Variants in TTC34 observed in about 807,000 individuals in gnomAD.
TTC34 encodes the protein tetratricopeptide repeat protein 34.
Under a neutral mutation model 40.7 loss-of-function variants are expected in TTC34, and 44 were observed. The ratio of observed to expected loss-of-function variants is 1.08; its 90% CI spans 0.85 to 1.39. The LOEUF (loss-of-function observed/expected upper bound fraction) is 1.39, where lower values mean the gene tolerates loss of function less well. Among genes scored for constraint, TTC34 ranks in the 40% most tolerant of loss-of-function variants. The pLI, the probability that TTC34 is intolerant of heterozygous loss-of-function variation, is 0.00. For synonymous variants in TTC34, 422 were observed against 398.6 expected (o/e 1.06, Z -0.70); for missense variants, 884 against 838.0 (o/e 1.05, Z -0.68).
intron 6 of TTC34, among the ~76,000 whole-genome samples, chr1:2,698,962 A>C: frequency 7.7e-6 from 1 of 129,080 alleles, no homozygotes. Context: ...CTGGAACATC[A>C]CCCTGCCCCC....
chr1:2,754,291 C>T (rs1344936458), intron 6 of TTC34, among the ~76,000 whole-genome samples: 1 of 50,394 alleles, frequency 2.0e-5, no homozygotes, highest in Non-Finnish European at 3.3e-5. Flanking sequence ...TGGAACAGCA[C>T]GCACACCCCC....
At chr1:2,777,530 G>T (rs1199399128) in intron 6 of TTC34, among the ~76,000 whole-genome samples, 1 of 152,196 alleles carries the variant, frequency 6.6e-6, no homozygotes, top group Non-Finnish European at 1.5e-5. Flanking sequence ...CCTGGAAGAA[G>T]CACCCCTGCA....
chr1:2,799,050 CCAGCCTCT>C (rs1404035749), intron 2 of TTC34, among the ~76,000 whole-genome samples: 2 of 150,492 alleles, frequency 1.3e-5, no homozygotes, highest in East Asian at 2.0e-4. Flanking sequence ...TCCCAGCCTC[CCAGCCTCT>C]CAGCCTCCAA....
chr1:2,683,787 C>T (rs1474935089), intron 6 of TTC34, among the ~76,000 whole-genome samples: 4 of 148,546 alleles, frequency 2.7e-5, no homozygotes, highest in African/African-American at 7.6e-5. Context: ...TGGAGCAGCA[C>T]GCACACCCCC....
chr1:2,782,706 T>TGTG (rs1643504646), intron 6 of TTC34, among the ~76,000 whole-genome samples: 1 of 152,232 alleles, frequency 6.6e-6, no homozygotes, highest in Admixed American at 6.5e-5. Context: ...TCTCTAAGCA[T>TGTG]TGTCTAACTT....
intron 6 of TTC34, among the ~76,000 whole-genome samples, chr1:2,683,435 C>A (rs367641442): frequency 7.3e-5 from 11 of 150,206 alleles, no homozygotes; most frequent in South Asian, 4.2e-4. Flanking sequence ...CCCTTCACCC[C>A]CAGGTGAGCA....
intron 6 of TTC34, among the ~76,000 whole-genome samples, chr1:2,698,427 G>A (rs1347805002): frequency 2.7e-5 from 2 of 74,072 alleles, no homozygotes; most frequent in Non-Finnish European, 5.9e-5. Flanking sequence ...GTATCCGACA[G>A]CCTGGAGCAG....
chr1:2,684,880 C>T (rs1329783493), intron 6 of TTC34, among the ~76,000 whole-genome samples: 2 of 132,262 alleles, frequency 1.5e-5, no homozygotes, highest in African/African-American at 3.3e-5. Context: ...ACCCACACCC[C>T]AGGTGAGCAT....
At chr1:2,649,245 C>A (rs998321751) in intron 6 of TTC34, among the ~76,000 whole-genome samples, 1 of 152,100 alleles carries the variant, frequency 6.6e-6, no homozygotes, top group Admixed American at 6.5e-5. Flanking sequence ...CAGGACCCCA[C>A]AACCCCAGGT....
intron 6 of TTC34, among the ~76,000 whole-genome samples, chr1:2,756,650 T>G (rs1641515618): frequency 6.6e-6 from 1 of 151,796 alleles, no homozygotes; most frequent in African/African-American, 2.4e-5. Flanking sequence ...TCTGACAGCC[T>G]GGAACAGCAC....
intron 4 of TTC34, 124 bp from the exon 5 acceptor site, chr1:2,786,147 C>T (rs570483171): frequency 4.4e-5 from 38 of 867,574 alleles, no homozygotes; most frequent in South Asian, 4.2e-4. Flanking sequence ...CTGGTGCCAA[C>T]GCTCCCAGTC....
At chr1:2,683,616 T>G (rs1370511349) in intron 6 of TTC34, among the ~76,000 whole-genome samples, 1 of 141,952 alleles carries the variant, frequency 7.0e-6, no homozygotes, top group South Asian at 2.2e-4. Context: ...TCTGACATCC[T>G]TCAGCAGCAC....
chr1:2,778,493 A>G (rs1643391818), intron 6 of TTC34, among the ~76,000 whole-genome samples: 1 of 152,208 alleles, frequency 6.6e-6, no homozygotes, highest in South Asian at 2.1e-4. Context: ...CTAGTACCCA[A>G]GAGGGTGGCC....
intron 6 of TTC34, among the ~76,000 whole-genome samples, chr1:2,777,688 T>TGGC (rs1553168914): frequency 2.5e-5 from 3 of 120,700 alleles, no homozygotes; most frequent in Admixed American, 1.8e-4. Flanking sequence ...GCAGAGGGCA[T>TGGC]GGGGGGGGGG....
intron 6 of TTC34, among the ~76,000 whole-genome samples, chr1:2,781,565 G>A (rs1643483776): frequency 6.6e-6 from 1 of 152,158 alleles, no homozygotes; most frequent in African/African-American, 2.4e-5. Flanking sequence ...GCAATGTTGA[G>A]TAGAAGTGCA....
At chr1:2,651,659 G>A (rs1392744660) in intron 6 of TTC34, among the ~76,000 whole-genome samples, 1 of 150,712 alleles carries the variant, frequency 6.6e-6, no homozygotes, top group African/African-American at 2.4e-5. Context: ...GCATCTGACA[G>A]CCTGGGAAGT....
At position 2,692,253 on chromosome 1, in the gene TTC34, C is replaced by T. The variant is rs1011723707; in HGVS notation, c.2227-46690G>A. ...CAGGCGAGCATCCGACAGCCTGGAGCAGCACCCACACCCTCAGGTGAGCAT... is the reference window on the plus strand; with the variant it reads ...CAGGCGAGCATCCGACAGCCTGGAGTAGCACCCACACCCTCAGGTGAGCAT... On this transcript the variant is annotated intron_variant, in intron 6 of 8. Coordinates refer to ENST00000401095, the Ensembl canonical transcript of TTC34. Among the ~76,000 whole-genome samples the T allele has an allele frequency of 2.6e-5, 2 of 76,370 alleles. 1 individual carries two copies. The highest frequency in any genetic ancestry group is 6.3e-4 in the East Asian group (2 of 3,198). 50.1% of individuals were successfully genotyped at this position (76,370 alleles called of 152,430 possible).
chr1:2,652,608 CAGGCGAGCATCCGACAGCCTGGA>C (rs1639187231), intron 6 of TTC34, among the ~76,000 whole-genome samples: 1 of 112,424 alleles, frequency 8.9e-6, no homozygotes, highest in Non-Finnish European at 2.0e-5. Context: ...CCCAGAAGCC[CAGGCGAGCATCCGACAGCCTGGA>C]GCAGCATCCA....
intron 6 of TTC34, among the ~76,000 whole-genome samples, chr1:2,681,174 G>C (rs1212458968): frequency 8.0e-6 from 1 of 124,894 alleles, no homozygotes; most frequent in African/African-American, 3.3e-5. Context: ...ACCTGGAGCA[G>C]CACCCACGCC....
Sources: allele counts gnomAD v4.1 joint callset (sites outside exome capture counted in the v4.1 genomes callset), GRCh38; gene constraint gnomAD v4.1.1; transcripts MANE v1.5; gene names NCBI Gene and HGNC (gene_info 2026-07-23, HGNC 2026-07-21).